The following ASAP1 variants were observed in gnomAD, a reference collection of about 807,000 sequenced individuals.
The protein encoded by ASAP1 is ArfGAP with SH3 domain, ankyrin repeat and PH domain 1.
ASAP1 carries 43 observed loss-of-function variants against 145.2 expected under a neutral mutation model. That is an observed-to-expected ratio of 0.30 (90% CI 0.23 to 0.38). The LOEUF (loss-of-function observed/expected upper bound fraction) is 0.38. Among genes scored for constraint, ASAP1 ranks in the 10% least tolerant of loss-of-function variants. The probability of loss-of-function intolerance (pLI) is 1.00; values close to 1 mark genes in which losing one functional copy is unlikely to be tolerated. For synonymous variants in ASAP1, 546 were observed against 515.5 expected, an observed-to-expected ratio of 1.06 and a Z score of -0.80; for missense variants, 1,018 against 1,355.3, an observed-to-expected ratio of 0.75 and a Z score of 3.91.
chr8:130,059,685 GACAGAAT>G (rs2135041866), intron 28 of ASAP1, among the ~76,000 whole-genome samples: 1 of 152,328 alleles, frequency 6.6e-6, no homozygotes, highest in South Asian at 2.1e-4. Flanking sequence ...TCATGAAAAT[GACAGAAT>G]ATGAGATTTC....
At chr8:130,210,457 T>C (rs939362386) in intron 5 of ASAP1, among the ~76,000 whole-genome samples, 4 of 152,230 alleles carry the variant, frequency 2.6e-5, no homozygotes, top group Non-Finnish European at 4.4e-5. Flanking sequence ...TAGTCATTTT[T>C]AAGACTGAGG....
intron 3 of ASAP1, among the ~76,000 whole-genome samples, chr8:130,346,983 C>T (rs1269127419): frequency 6.6e-6 from 1 of 152,148 alleles, no homozygotes; most frequent in East Asian, 1.9e-4. Flanking sequence ...AATTTTATTT[C>T]GTATGTAACT....
chr8:130,263,795 C>T (rs765616823), intron 3 of ASAP1, among the ~76,000 whole-genome samples: 5 of 152,176 alleles, frequency 3.3e-5, no homozygotes, highest in Admixed American at 2.0e-4. Flanking sequence ...GTGCCTTCTA[C>T]CAACTATGCA....
At chr8:130,130,560 G>A (rs1436216916) in intron 15 of ASAP1, among the ~76,000 whole-genome samples, 2 of 152,166 alleles carry the variant, frequency 1.3e-5, no homozygotes, top group South Asian at 2.1e-4. Flanking sequence ...CAAGTAACAA[G>A]CATACTCAAA....
intron 11 of ASAP1, among the ~76,000 whole-genome samples, chr8:130,166,882 G>A (rs115295936): frequency 6.6e-6 from 1 of 152,268 alleles, no homozygotes; most frequent in African/African-American, 2.4e-5. Context: ...ATATTTCCCT[G>A]GCAAATGAGA....
intron 3 of ASAP1, among the ~76,000 whole-genome samples, chr8:130,300,153 C>CACACACACAGAGAGAGAGAG (rs1196584279): frequency 2.1e-4 from 16 of 76,926 alleles, no homozygotes; most frequent in Non-Finnish European, 3.2e-4. Flanking sequence ...CACACACACA[C>CACACACACAGAGAGAGAGAG]AGAGAGAGAG....
intron 13 of ASAP1, among the ~76,000 whole-genome samples, chr8:130,149,979 A>G (rs2097642300): frequency 6.6e-6 from 1 of 152,200 alleles, no homozygotes; most frequent in Admixed American, 6.5e-5. Flanking sequence ...GAGAGTGCTG[A>G]TGTTTGTAGC....
At chr8:130,433,747 A>G (rs1830215051) in intron 1 of ASAP1, among the ~76,000 whole-genome samples, 1 of 152,076 alleles carries the variant, frequency 6.6e-6, no homozygotes, top group African/African-American at 2.4e-5. Flanking sequence ...AAACCCACTA[A>G]TTTTTGTTTA....
chr8:130,072,825 G>GTGTGTGTGTGCGCGCA, intron 27 of ASAP1, among the ~76,000 whole-genome samples: 1 of 54,098 alleles, frequency 1.8e-5, no homozygotes, highest in African/African-American at 9.1e-5. Context: ...GTGTGTGTGT[G>GTGTGTGTGTGCGCGCA]CGCGCGGGGG....
chr8:130,060,764 G>A lies in ASAP1; in HGVS notation c.3007C>T (p.Gln1003Ter). Residue 1003 changes from glutamine to a stop codon, truncating the protein, a stop_gained, in exon 28 of 30, where the codon CAG becomes TAG. Coordinates refer to ENST00000518721, the MANE Select transcript of ASAP1 (RefSeq NM_018482.4). LOFTEE classifies it high-confidence loss of function. ...PQLGDLLAKS[Q>*]TGDVSPKAQQ... ...GCCTTGGGTGAGACATCTCCAGTCT[G>A]GGATTTTGCTAGCAGGTCTCCCAGC... 6.2e-7 allele frequency: 1 copy of A among 1,614,152 alleles called. No homozygotes were observed. Among genetic ancestry groups the A allele is most frequent in the Non-Finnish European group, 8.5e-7 (1 of 1,180,028 alleles).
rs2097474964 is a variant in ASAP1, at chr8:130,079,882, G to A, written c.2642+20C>T. 3.1e-6 allele frequency: 5 copies of A among 1,609,946 alleles called. No homozygotes were observed. The highest frequency in any genetic ancestry group is 2.2e-5 in the East Asian group (1 of 44,872). ...CATCAATGGATCCAACAGGGGAAAT[G>A]AAGCGCTGAGATGGCTTACCTCGAC... On this transcript the variant is annotated intron_variant, in intron 26 of 29. Transcript: ENST00000518721.
intron 11 of ASAP1, chr8:130,163,043 A>G (rs747121252): frequency 2.1e-4 from 36 of 167,960 alleles, no homozygotes; most frequent in Middle Eastern, 3.2e-3. Flanking sequence ...CATGTATTAT[A>G]CTGGAGTTGG....
Position 130,274,245 on chromosome 8 carries a change from T to C in ASAP1, c.187-37251A>G, listed in dbSNP as rs117522059. Among the ~76,000 whole-genome samples, 568 of 152,328 alleles carry C rather than the reference T, an allele frequency of 3.7e-3. 3 individuals are homozygous for C. Among genetic ancestry groups the C allele is most frequent in the Middle Eastern group, 0.02 (6 of 294 alleles). Reference sequence around the variant, plus strand: ...TTATTAGAGGATGACAAATGACTGATACTATGAAGATGGAAGAAGTGGCAT... The same window carrying C: ...TTATTAGAGGATGACAAATGACTGACACTATGAAGATGGAAGAAGTGGCAT... On this transcript the variant is annotated intron_variant, in intron 3 of 29. Coordinates refer to ENST00000518721, the MANE Select transcript of ASAP1 (RefSeq NM_018482.4).
intron 2 of ASAP1, among the ~76,000 whole-genome samples, chr8:130,372,156 A>C (rs1443400202): frequency 6.6e-6 from 1 of 152,240 alleles, no homozygotes; most frequent in East Asian, 1.9e-4. Flanking sequence ...TAAGCACTTA[A>C]ATTTCATCTC....
intron 3 of ASAP1, among the ~76,000 whole-genome samples, chr8:130,324,362 G>A (rs565812246): frequency 2.6e-5 from 4 of 152,330 alleles, no homozygotes; most frequent in African/African-American, 9.6e-5. Context: ...GTCTAAGGCT[G>A]TCTTGGAAGC....
At chr8:130,136,040 G>T (rs769720810) in intron 14 of ASAP1, among the ~76,000 whole-genome samples, 1 of 152,062 alleles carries the variant, frequency 6.6e-6, no homozygotes, top group African/African-American at 2.4e-5. Context: ...TTTGGCTGTG[G>T]GTCTGCCTTG....
rs144435843 is a variant in ASAP1 at position 130,239,181 on chromosome 8, A to G, written c.187-2187T>C. ...CCTGTCATGCTGCATGTCATGCTTA[A>G]GGGAATGTTTTATGAGACATTTCAG... On this transcript the variant is annotated intron_variant, in intron 3 of 29. Coordinates refer to ENST00000518721, the MANE Select transcript of ASAP1 (RefSeq NM_018482.4). Among the ~76,000 whole-genome samples, 94 of 152,234 alleles carry G rather than the reference A, an allele frequency of 6.2e-4. No homozygotes were observed. In the East Asian group the frequency reaches 0.016, roughly 26 times the overall value.
At chr8:130,081,305 T>A (rs1338651164) in intron 25 of ASAP1, among the ~76,000 whole-genome samples, 1 of 152,202 alleles carries the variant, frequency 6.6e-6, no homozygotes, top group Non-Finnish European at 1.5e-5. Context: ...AGGGCTCTTC[T>A]ATGATCCATT....
At chr8:130,253,913 C>CAGGAG (rs1819357982) in intron 3 of ASAP1, among the ~76,000 whole-genome samples, 2 of 152,118 alleles carry the variant, frequency 1.3e-5, no homozygotes, top group Non-Finnish European at 2.9e-5. Context: ...CCCAGCTACT[C>CAGGAG]AGGAGGCTGA....
Sources: allele counts gnomAD v4.1 joint callset (sites outside exome capture counted in the v4.1 genomes callset), GRCh38; gene constraint gnomAD v4.1.1; transcripts MANE v1.5; gene names NCBI Gene and HGNC (gene_info 2026-07-23, HGNC 2026-07-21).